ERC1: variants seen among roughly 807,000 people sequenced by gnomAD.
The protein encoded by ERC1 is RAB6 interacting protein 2.
A neutral mutation model predicts 132.0 loss-of-function variants in ERC1; 56 were observed. The observed-to-expected ratio is 0.42, with a 90% CI of 0.34 to 0.53. The LOEUF (loss-of-function observed/expected upper bound fraction) is 0.53, where lower values mean the gene tolerates loss of function less well. ERC1 is among the 20% of genes least tolerant of loss of function. ERC1 has a pLI of 0.03. For synonymous variants in ERC1, 478 were observed against 476.1 expected (o/e 1.00, Z -0.05); for missense variants, 1,202 against 1,349.9 (o/e 0.89, Z 1.72).
At chr12:1,118,928 T>C (rs918438541) in intron 7 of ERC1, among the ~76,000 whole-genome samples, 1 of 152,230 alleles carries the variant, frequency 6.6e-6, no homozygotes, top group Admixed American at 6.5e-5. Flanking sequence ...TGGAGTGCAG[T>C]GGCATGATTA....
chr12:1,169,322 A>G (rs753139533), intron 8 of ERC1, among the ~76,000 whole-genome samples: 1 of 152,110 alleles, frequency 6.6e-6, no homozygotes, highest in Non-Finnish European at 1.5e-5. Flanking sequence ...TAAAGACACC[A>G]CCTTGCCCGA....
chr12:1,222,811 A>G (rs1959114386), intron 12 of ERC1, among the ~76,000 whole-genome samples: 1 of 152,222 alleles, frequency 6.6e-6, no homozygotes, highest in Non-Finnish European at 1.5e-5. Context: ...CAGCCAGTAG[A>G]ATTGTAGCCT....
chr12:1,271,356 A>T (rs1298373704), intron 14 of ERC1, among the ~76,000 whole-genome samples: 1 of 152,194 alleles, frequency 6.6e-6, no homozygotes, highest in Non-Finnish European at 1.5e-5. Context: ...GGATTTGGTG[A>T]ATTACATGTA....
chr12:1,306,834 C>A (rs1298735756), intron 15 of ERC1, among the ~76,000 whole-genome samples: 2 of 151,944 alleles, frequency 1.3e-5, no homozygotes, highest in Non-Finnish European at 2.9e-5. Context: ...GTAATTTCAT[C>A]TGTTAGAAAG....
Position 1,367,769 on chromosome 12 carries a change from G to A in ERC1, c.2781-4064G>A, listed in dbSNP as rs191639201. On this transcript the variant is annotated intron_variant, in intron 15 of 18. Transcript: ENST00000360905. The stretch of plus-strand genomic sequence containing the variant: ...CATCTTGATTCTATTAGAATTTGCA[G>A]GTCAAAGGGCAGGTTCAACTGGCCT... Among the ~76,000 whole-genome samples the A allele has an allele frequency of 2.5e-3, 380 of 152,112 alleles. 3 individuals are homozygous for A. Among genetic ancestry groups the A allele is most frequent in the African/African-American group, 8.8e-3 (366 of 41,492 alleles).
At chr12:999,675 A>G (rs1961778616) in intron 1 of ERC1, among the ~76,000 whole-genome samples, 1 of 134,888 alleles carries the variant, frequency 7.4e-6, no homozygotes, top group African/African-American at 2.8e-5. Context: ...GCAATGGTGC[A>G]ACCTCCGCCT....
At chr12:1,071,558 T>TC (rs1940360473) in intron 2 of ERC1, among the ~76,000 whole-genome samples, 1 of 152,118 alleles carries the variant, frequency 6.6e-6, no homozygotes, top group African/African-American at 2.4e-5. Context: ...GTTTTTTTTT[T>TC]TTAATTGAGT....
chr12:1,143,631 G>T (rs1278558503), intron 8 of ERC1, among the ~76,000 whole-genome samples: 1 of 149,192 alleles, frequency 6.7e-6, no homozygotes. Flanking sequence ...TTTAGAATCA[G>T]CTTTTATCAT....
intron 7 of ERC1, among the ~76,000 whole-genome samples, chr12:1,141,179 T>C (rs74057080): frequency 0.028 from 4,281 of 152,306 alleles, 206 homozygotes; most frequent in African/African-American, 0.098. Context: ...GATATCTAAG[T>C]GCATTATGGG....
chr12:1,436,669 G>A (rs918473150), intron 17 of ERC1, among the ~76,000 whole-genome samples: 7 of 151,784 alleles, frequency 4.6e-5, no homozygotes, highest in Admixed American at 2.0e-4. Context: ...GTTACAGCAC[G>A]TGAGGCACCA....
intron 17 of ERC1, among the ~76,000 whole-genome samples, chr12:1,420,992 A>G (rs1286641819): frequency 4.0e-5 from 6 of 150,048 alleles, no homozygotes; most frequent in African/African-American, 1.5e-4. Flanking sequence ...TTATTTTTAA[A>G]TTGACATCTA....
chr12:1,037,645 T>C (rs1372030159), intron 2 of ERC1, among the ~76,000 whole-genome samples: 1 of 152,206 alleles, frequency 6.6e-6, no homozygotes, highest in Non-Finnish European at 1.5e-5. Context: ...GATTTTTCCT[T>C]TTTTCTTTCT....
upstream of ERC1, chr12:990,057 T>TA (rs977610750): frequency 1.3e-5 from 2 of 152,126 alleles, no homozygotes; most frequent in Admixed American, 1.3e-4. Flanking sequence ...AGGGAACAGT[T>TA]AAGAGTCCGG....
chr12:1,418,694 C>CTTTT (rs1565397026), intron 17 of ERC1, among the ~76,000 whole-genome samples: 1 of 130,672 alleles, frequency 7.7e-6, no homozygotes, highest in East Asian at 2.2e-4. Context: ...TTCTTTCTTT[C>CTTTT]TTTCTTTCTT....
At chr12:1,206,148 G>A (rs1957334237) in intron 12 of ERC1, among the ~76,000 whole-genome samples, 1 of 152,060 alleles carries the variant, frequency 6.6e-6, no homozygotes, top group Non-Finnish European at 1.5e-5. Flanking sequence ...CTTAGCTGTA[G>A]TATGCAAAAG....
chr12:1,173,409 G>A (rs1953303557), intron 8 of ERC1, among the ~76,000 whole-genome samples: 1 of 152,154 alleles, frequency 6.6e-6, no homozygotes, highest in Non-Finnish European at 1.5e-5. Flanking sequence ...TAGGGGTTCT[G>A]TGGTTTATAG....
intron 12 of ERC1, among the ~76,000 whole-genome samples, chr12:1,206,130 A>G (rs991805040): frequency 2.0e-5 from 3 of 152,144 alleles, no homozygotes; most frequent in African/African-American, 7.2e-5. Flanking sequence ...TTCAGTGGCA[A>G]AGATCATCTT....
intron 2 of ERC1, among the ~76,000 whole-genome samples, chr12:1,034,910 A>G (rs1206463686): frequency 6.6e-6 from 1 of 152,174 alleles, no homozygotes; most frequent in Non-Finnish European, 1.5e-5. Context: ...CAAAAAACCC[A>G]TATGTGCTGA....
intron 12 of ERC1, among the ~76,000 whole-genome samples, chr12:1,201,035 C>T (rs1037774948): frequency 6.6e-6 from 1 of 152,166 alleles, no homozygotes; most frequent in East Asian, 1.9e-4. Flanking sequence ...TATATTTGCA[C>T]GTTTTTCCTT....
Sources: allele counts gnomAD v4.1 joint callset (sites outside exome capture counted in the v4.1 genomes callset), GRCh38; gene constraint gnomAD v4.1.1; transcripts MANE v1.5; gene names NCBI Gene and HGNC (gene_info 2026-07-23, HGNC 2026-07-21).